Variants in OSBPL10 observed in about 807,000 individuals in gnomAD.
The protein encoded by OSBPL10 is oxysterol-binding protein-related protein 10.
OSBPL10 carries 49 observed loss-of-function variants against 81.7 expected under a neutral mutation model. That is an observed-to-expected ratio of 0.60 (90% CI 0.48 to 0.76). OSBPL10 has a LOEUF of 0.76. Ranked by LOEUF, OSBPL10 falls within the 30% of genes least tolerant of loss-of-function variation. The pLI is 0.00. For missense variants in OSBPL10, 923 were observed against 987.8 expected (o/e 0.93, Z 0.88); for synonymous variants, 419 against 383.6 (o/e 1.09, Z -1.08).
In OSBPL10 at chr3:31,731,506, T is replaced by C. The variant is rs1575506411; in HGVS notation, c.1095+1751A>G. On this transcript the variant is annotated intron_variant, in intron 6 of 11. Coordinates refer to ENST00000396556, the MANE Select transcript of OSBPL10 (RefSeq NM_017784.5). ...TTTCTTTCTTTTTTTTTTTTTTTCT[T>C]GAGATGGTGTCTCGTTCTGTTGCCC... Among the ~76,000 whole-genome samples, 6 of 151,276 alleles carry C rather than the reference T, an allele frequency of 4.0e-5. No homozygotes were observed. The South Asian group carries it at 1.0e-3, about 26-fold the overall frequency.
chr3:31,724,694 T>C (rs1303558796), intron 6 of OSBPL10, among the ~76,000 whole-genome samples: 1 of 152,158 alleles, frequency 6.6e-6, no homozygotes, highest in Non-Finnish European at 1.5e-5. Flanking sequence ...AAAAATATAC[T>C]ATCATGCCTT....
intron 5 of OSBPL10, among the ~76,000 whole-genome samples, chr3:31,740,176 T>C (rs1457904262): frequency 6.6e-6 from 1 of 152,034 alleles, no homozygotes; most frequent in African/African-American, 2.4e-5. Flanking sequence ...CCCAAGTAGC[T>C]GGGACTACAG....
At chr3:31,785,463 C>T (rs758959778) in intron 4 of OSBPL10, among the ~76,000 whole-genome samples, 12 of 152,054 alleles carry the variant, frequency 7.9e-5, no homozygotes, top group African/African-American at 1.4e-4. Context: ...TTTTAAATCA[C>T]GAGGAAGAAT....
intron 5 of OSBPL10, among the ~76,000 whole-genome samples, chr3:31,737,177 A>T (rs1200818740): frequency 6.6e-6 from 1 of 152,186 alleles, no homozygotes; most frequent in East Asian, 1.9e-4. Flanking sequence ...TCCGAATATC[A>T]AAGAGCCGGT....
chr3:32,024,686 T>C (rs1204124311), intron 2 of OSBPL10, among the ~76,000 whole-genome samples: 1 of 152,044 alleles, frequency 6.6e-6, no homozygotes, highest in Non-Finnish European at 1.5e-5. Context: ...GGTTTTACCA[T>C]GTTGGCCAGG....
chr3:31,928,820 A>G (rs1179399571), intron 1 of OSBPL10, among the ~76,000 whole-genome samples: 1 of 151,842 alleles, frequency 6.6e-6, no homozygotes, highest in Non-Finnish European at 1.5e-5. Flanking sequence ...TTAAACCCCA[A>G]CTGGACTAGA....
intron 1 of OSBPL10, among the ~76,000 whole-genome samples, chr3:31,910,432 C>G (rs868215866): frequency 1.3e-5 from 2 of 151,768 alleles, no homozygotes; most frequent in Admixed American, 1.3e-4. Context: ...ATCAGGAGTT[C>G]AAGACCAGCC....
At chr3:31,809,745 G>A (rs1699624545) in intron 4 of OSBPL10, among the ~76,000 whole-genome samples, 1 of 152,030 alleles carries the variant, frequency 6.6e-6, no homozygotes, top group African/African-American at 2.4e-5. Flanking sequence ...ATAGACCCAA[G>A]TACTTAATTT....
chr3:31,963,523 G>C (rs1277662668), intron 1 of OSBPL10, among the ~76,000 whole-genome samples: 3 of 152,024 alleles, frequency 2.0e-5, no homozygotes, highest in Admixed American at 2.0e-4. Context: ...ATGATTTGAA[G>C]GCTCACTCTT....
chr3:31,683,886 C>T lies in OSBPL10; in HGVS notation c.1474G>A (p.Glu492Lys), dbSNP rs1169469753. ...GGCTTGACCCTGTCCTTGGGAACTT[C>T]CCAGGAGCAGTGAAATGTCTCGCCT... is the stretch of plus-strand genomic sequence containing the variant. ...IIGETFHCSW[E>K]VPKDRVKPKR... Residue 492 changes from glutamate to lysine, a missense_variant, in exon 8 of 12, where the codon GAA becomes AAA. Physicochemically the swap from Glu to Lys is moderately conservative, Grantham distance 56 (BLOSUM62 1). Around this residue, in one of 3 missense-constraint regions of OSBPL10, gnomAD observed 387 missense variants for 436.3 expected, o/e 0.89. Transcript: ENST00000396556. 4.3e-6 allele frequency: 7 copies of T among 1,614,184 alleles called. No individual in the cohort carries two copies. Among genetic ancestry groups the T allele is most frequent in the South Asian group, 3.3e-5 (3 of 91,084 alleles).
At chr3:31,883,393 C>G (rs943006001) in intron 1 of OSBPL10, among the ~76,000 whole-genome samples, 1 of 151,958 alleles carries the variant, frequency 6.6e-6, no homozygotes, top group Non-Finnish European at 1.5e-5. Context: ...GACACCACCA[C>G]GCCCAGCTAA....
At chr3:31,761,552 C>T (rs1441472729) in intron 4 of OSBPL10, among the ~76,000 whole-genome samples, 1 of 151,492 alleles carries the variant, frequency 6.6e-6, no homozygotes, top group Non-Finnish European at 1.5e-5. Flanking sequence ...TATGGTGGCT[C>T]ACGCCTGTAA....
upstream of OSBPL10, among the ~76,000 whole-genome samples, chr3:31,982,319 T>A (rs1381085655): frequency 6.6e-6 from 1 of 152,068 alleles, no homozygotes; most frequent in Non-Finnish European, 1.5e-5. Flanking sequence ...GTATCAAAAA[T>A]TACCTAGAAA....
At chr3:31,825,036 T>C (rs576732385) in intron 4 of OSBPL10, among the ~76,000 whole-genome samples, 5 of 151,914 alleles carry the variant, frequency 3.3e-5, no homozygotes, top group African/African-American at 1.2e-4. Context: ...GCACTGAGGG[T>C]TGGGGGATGG....
At chr3:32,023,109 C>G (rs1699373891) in intron 2 of OSBPL10, among the ~76,000 whole-genome samples, 1 of 152,112 alleles carries the variant, frequency 6.6e-6, no homozygotes, top group African/African-American at 2.4e-5. Flanking sequence ...TAACTTCTTG[C>G]TTATCAAGTT....
chr3:31,911,799 A>C (rs1696588412), intron 1 of OSBPL10, among the ~76,000 whole-genome samples: 1 of 152,136 alleles, frequency 6.6e-6, no homozygotes, highest in African/African-American at 2.4e-5. Context: ...AACATGCAAA[A>C]GTTAGTCATT....
At chr3:31,848,319 ATC>A (rs1262916680) in intron 3 of OSBPL10, among the ~76,000 whole-genome samples, 1 of 150,684 alleles carries the variant, frequency 6.6e-6, no homozygotes, top group African/African-American at 2.4e-5. Context: ...AGAATTTCAC[ATC>A]TCTCTTTCCC....
At chr3:32,047,208 C>T (rs1699631064) in intron 1 of OSBPL10, among the ~76,000 whole-genome samples, 3 of 152,092 alleles carry the variant, frequency 2.0e-5, no homozygotes, top group Admixed American at 2.0e-4. Context: ...AATCCCTGAG[C>T]TCAAGCTATC....
chr3:32,019,950 G>A (rs1699347055), intron 2 of OSBPL10, among the ~76,000 whole-genome samples: 1 of 152,110 alleles, frequency 6.6e-6, no homozygotes, highest in African/African-American at 2.4e-5. Context: ...CTAGATATGT[G>A]GATCAAACAC....
Sources: allele counts gnomAD v4.1 joint callset (sites outside exome capture counted in the v4.1 genomes callset), GRCh38; gene constraint gnomAD v4.1.1; regional missense constraint gnomAD v4.1.1; transcripts MANE v1.5; gene names NCBI Gene and HGNC (gene_info 2026-07-23, HGNC 2026-07-21).